Variants in JAK2 observed in about 807,000 individuals in gnomAD.
JAK2 encodes the protein Janus kinase 2, also known as tyrosine-protein kinase JAK2.
Under a neutral mutation model 139.3 loss-of-function variants are expected in JAK2, and 86 were observed. The observed-to-expected ratio is 0.62, with a 90% CI of 0.52 to 0.74. The LOEUF (loss-of-function observed/expected upper bound fraction) is 0.74. JAK2 is among the 30% of genes least tolerant of loss of function. JAK2 has a pLI of 0.00. For synonymous variants in JAK2, 490 were observed against 437.7 expected (o/e 1.12, Z -1.49); for missense variants, 1,421 against 1,360.3 (o/e 1.04, Z -0.70).
intron 8 of JAK2, among the ~76,000 whole-genome samples, chr9:5,063,416 A>G (rs1332637432): frequency 1.3e-5 from 2 of 152,134 alleles, no homozygotes; most frequent in Non-Finnish European, 2.9e-5. Flanking sequence ...GTGGACTGGA[A>G]GTTTTCTGGG....
chr9:5,062,960 A>G (rs1215695205), intron 8 of JAK2, among the ~76,000 whole-genome samples: 3 of 151,998 alleles, frequency 2.0e-5, no homozygotes, highest in African/African-American at 7.2e-5. Context: ...TATGTTAGGT[A>G]TATTCCTTTG....
intron 24 of JAK2, 71 bp downstream of exon 24, chr9:5,126,517 C>A: frequency 9.0e-7 from 1 of 1,112,368 alleles, no homozygotes; most frequent in Non-Finnish European, 1.3e-6. Flanking sequence ...CTTCAGTTCA[C>A]TTCCTGAAAT....
intron 22 of JAK2, among the ~76,000 whole-genome samples, chr9:5,118,626 A>G (rs552973789): frequency 2.6e-4 from 39 of 152,354 alleles, no homozygotes; most frequent in African/African-American, 9.1e-4. Flanking sequence ...AAGATTAAGC[A>G]TAAATTCTGT....
chr9:4,987,717 C>T (rs1454570350), intron 2 of JAK2, among the ~76,000 whole-genome samples: 1 of 88,452 alleles, frequency 1.1e-5, no homozygotes, highest in Non-Finnish European at 2.2e-5. Context: ...GGCTGGGCAA[C>T]ACAGCAAGAC....
chr9:5,111,816 C>T (rs572211760), intron 22 of JAK2: 8 of 418,712 alleles, frequency 1.9e-5, no homozygotes, highest in East Asian at 6.5e-5. Flanking sequence ...ACGTAGGCGG[C>T]GTCTCCAGCC....
chr9:5,115,370 C>T (rs900738797), intron 22 of JAK2, among the ~76,000 whole-genome samples: 1 of 152,182 alleles, frequency 6.6e-6, no homozygotes, highest in Non-Finnish European at 1.5e-5. Context: ...GGTACCATCT[C>T]ATGCCAGTTA....
At chr9:5,111,233 T>G in intron 22 of JAK2, 1 of 562,162 alleles carries the variant, frequency 1.8e-6, no homozygotes. Flanking sequence ...CGCGGGCCTA[T>G]TCCTCCTTTG....
intron 22 of JAK2, chr9:5,097,917 G>A (rs574882098): frequency 1.3e-5 from 2 of 152,138 alleles, no homozygotes; most frequent in African/African-American, 4.8e-5. Flanking sequence ...ATATTCATAG[G>A]TGTTAATTTA....
At chr9:4,996,038 A>C (rs1404308525) in intron 2 of JAK2, among the ~76,000 whole-genome samples, 8 of 152,192 alleles carry the variant, frequency 5.3e-5, no homozygotes, top group Non-Finnish European at 1.0e-4. Context: ...AATCCATAGG[A>C]TAGGTCAAGT....
intron 19 of JAK2, chr9:5,086,196 G>A (rs1202367027): frequency 2.9e-5 from 16 of 550,562 alleles, no homozygotes; most frequent in Non-Finnish European, 3.6e-5. Flanking sequence ...CAGCCGCGCC[G>A]CCCCCGCCAC....
At chr9:5,024,046 G>A (rs1822613451) in intron 3 of JAK2, among the ~76,000 whole-genome samples, 1 of 152,112 alleles carries the variant, frequency 6.6e-6, no homozygotes, top group Non-Finnish European at 1.5e-5. Context: ...CACAAGATCA[G>A]GAGATCGAGA....
At chr9:4,997,036 C>A (rs1309619591) in intron 2 of JAK2, among the ~76,000 whole-genome samples, 1 of 150,526 alleles carries the variant, frequency 6.6e-6, no homozygotes, top group Non-Finnish European at 1.5e-5. Context: ...TCCAGTGATC[C>A]TCCTACCTCA....
chr9:5,041,939 T>A, intron 4 of JAK2: 1 of 383,502 alleles, frequency 2.6e-6, no homozygotes, highest in South Asian at 2.0e-5. Flanking sequence ...TGCTGTTTCT[T>A]CCCCCTGAAT....
chr9:5,077,824 T>C (rs1208704742), intron 15 of JAK2, among the ~76,000 whole-genome samples: 1 of 152,246 alleles, frequency 6.6e-6, no homozygotes, highest in Non-Finnish European at 1.5e-5. Flanking sequence ...ATCTGTATGT[T>C]GTGTCTTTTG....
chr9:5,121,291 T>C (rs531907446), intron 22 of JAK2, among the ~76,000 whole-genome samples: 4 of 152,276 alleles, frequency 2.6e-5, no homozygotes, highest in African/African-American at 7.2e-5. Context: ...CCCTTTTATA[T>C]AGCCAACCTG....
chr9:4,994,972 A>AT (rs1288123939), intron 2 of JAK2, among the ~76,000 whole-genome samples: 2 of 152,170 alleles, frequency 1.3e-5, no homozygotes, highest in Admixed American at 1.3e-4. Flanking sequence ...ATAACTAAAG[A>AT]TTAAGTAGAA....
At chr9:5,043,102 A>T (rs1816733339) in intron 4 of JAK2, among the ~76,000 whole-genome samples, 1 of 152,146 alleles carries the variant, frequency 6.6e-6, no homozygotes, top group African/African-American at 2.4e-5. Context: ...GCCGCAGACA[A>T]AATGCCTTAA....
chr9:5,055,916 C>A, intron 8 of JAK2, 128 bp downstream of exon 8: 1 of 771,282 alleles, frequency 1.3e-6, no homozygotes, highest in South Asian at 2.0e-5. Flanking sequence ...TAACTCTAAA[C>A]ATCAGTTCAG....
At chr9:4,990,785 T>C (rs1820197230) in intron 2 of JAK2, among the ~76,000 whole-genome samples, 1 of 152,192 alleles carries the variant, frequency 6.6e-6, no homozygotes, top group African/African-American at 2.4e-5. Context: ...ATACTTTCCC[T>C]ACGTGGAAAT....
Sources: allele counts gnomAD v4.1 joint callset (sites outside exome capture counted in the v4.1 genomes callset), GRCh38; gene constraint gnomAD v4.1.1; transcripts MANE v1.5; gene names NCBI Gene and HGNC (gene_info 2026-07-23, HGNC 2026-07-21).